Variants in RPGRIP1L observed in about 807,000 individuals in gnomAD.
RPGRIP1L encodes protein fantom.
RPGRIP1L carries 131 observed loss-of-function variants against 160.4 expected under a neutral mutation model. The observed-to-expected ratio is 0.82, with a 90% CI of 0.71 to 0.94. The LOEUF (loss-of-function observed/expected upper bound fraction) is 0.94. Ranked by LOEUF, RPGRIP1L falls within the 40% of genes least tolerant of loss-of-function variation. The pLI, the probability that RPGRIP1L is intolerant of heterozygous loss-of-function variation, is 0.00. For missense variants in RPGRIP1L, 1,522 were observed against 1,535.8 expected (o/e 0.99, Z 0.15); for synonymous variants, 510 against 515.8 (o/e 0.99, Z 0.15).
In RPGRIP1L at chr16:53,686,159, A is replaced by G. The variant is rs555855990; in HGVS notation, c.776+274T>C. Among the ~76,000 whole-genome samples the G allele has an allele frequency of 1.3e-4, 20 of 152,328 alleles. No homozygotes were observed. In the East Asian group the frequency reaches 3.1e-3, roughly 24 times the overall value. ...TCAAATGGTATCAGAACTTCCTGCA[A>G]TCTTGGCAAATGGGGTAAATGAACA... On this transcript the variant is annotated intron_variant, in intron 6 of 26. Coordinates refer to ENST00000647211, the MANE Select transcript of RPGRIP1L (RefSeq NM_015272.5).
At chr16:53,622,022 CAAAAAAAAA>C (rs36057385) in intron 23 of RPGRIP1L, among the ~76,000 whole-genome samples, 188 bp downstream of exon 23, 1 of 24,132 alleles carries the variant, frequency 4.1e-5, no homozygotes, top group Non-Finnish European at 7.8e-5. Context: ...GACTCCGTCT[CAAAAAAAAA>C]AAAAAAAAAA....
At chr16:53,699,941 T>C (rs12148982) in intron 2 of RPGRIP1L, among the ~76,000 whole-genome samples, 57 of 152,226 alleles carry the variant, frequency 3.7e-4, no homozygotes, top group Non-Finnish European at 6.6e-4. Context: ...GAAAAGTGTA[T>C]GTAGATTCCT....
chr16:53,657,664 C>T (rs766915933), intron 12 of RPGRIP1L, 32 bp from the exon 13 acceptor site: 1 of 1,289,000 alleles, frequency 7.8e-7, no homozygotes. Flanking sequence ...ATGACTGAAA[C>T]AAAAATTTCT....
intron 24 of RPGRIP1L, 78 bp downstream of exon 24, chr16:53,618,943 ACTTT>A: frequency 8.7e-7 from 1 of 1,148,160 alleles, no homozygotes; most frequent in African/African-American, 1.5e-5. Flanking sequence ...AGAGAAATAA[ACTTT>A]CTCTCTGTTC....
intron 24 of RPGRIP1L, among the ~76,000 whole-genome samples, chr16:53,615,173 G>A (rs1670977776): frequency 6.6e-6 from 1 of 152,024 alleles, no homozygotes; most frequent in Admixed American, 6.6e-5. Flanking sequence ...TCCATCCCTA[G>A]AGGCTAAGGG....
rs546936593 is a variant in RPGRIP1L at position 53,689,315 on chromosome 16, T to G, written c.530-1350A>C. Among the ~76,000 whole-genome samples the G allele has an allele frequency of 2.0e-5, 3 of 152,262 alleles. No homozygotes were observed. In the South Asian group the frequency reaches 6.2e-4, roughly 32 times the overall value. On this transcript the variant is annotated intron_variant, in intron 4 of 26. Coordinates refer to ENST00000647211, the MANE Select transcript of RPGRIP1L (RefSeq NM_015272.5). The stretch of plus-strand genomic sequence containing the variant: ...CTGTTGTTGCCTATACAGTCTACTG[T>G]GCTATAAAACACTAGAACTTTTTCT...
rs202125413 is a variant in RPGRIP1L, at chr16:53,615,470, A to G, written c.3616+3555T>C. 1.2e-3 allele frequency among the ~76,000 whole-genome samples: 100 copies of G among 85,250 alleles called. 3 individuals are homozygous for G. The highest frequency in any genetic ancestry group is 4.8e-3 in the African/African-American group (95 of 19,842). The allele number at this position is 85,250 out of a possible 152,430, so 55.9% of individuals were successfully genotyped here. Reference sequence around the variant, plus strand: ...TCTAAGAATATATATATATATATATATATTTTTTTTTTTTTTTTTTTGAGA... The same window carrying G: ...TCTAAGAATATATATATATATATATGTATTTTTTTTTTTTTTTTTTTGAGA... On this transcript the variant is annotated intron_variant, in intron 24 of 26. Coordinates refer to ENST00000647211, the MANE Select transcript of RPGRIP1L (RefSeq NM_015272.5).
At chr16:53,662,774 GA>G (rs1274440941) in intron 10 of RPGRIP1L, among the ~76,000 whole-genome samples, 1 of 151,980 alleles carries the variant, frequency 6.6e-6, no homozygotes, top group Non-Finnish European at 1.5e-5. Flanking sequence ...AAAATAACTG[GA>G]AAGTAATAGT....
intron 19 of RPGRIP1L, among the ~76,000 whole-genome samples, chr16:53,639,832 T>C (rs1036980248): frequency 1.3e-5 from 2 of 152,214 alleles, no homozygotes; most frequent in Non-Finnish European, 2.9e-5. Flanking sequence ...ATTATAATTA[T>C]TGAATTCATT....
At chr16:53,615,467 TATATA>T (rs1207357268) in intron 24 of RPGRIP1L, among the ~76,000 whole-genome samples, 7 of 76,048 alleles carry the variant, frequency 9.2e-5, no homozygotes, top group Non-Finnish European at 1.0e-4. Context: ...TATATATATA[TATATA>T]TTTTTTTTTT....
Position 53,613,164 on chromosome 16 carries a change from C to T in RPGRIP1L, c.3617-2113G>A, listed in dbSNP as rs529861188. Among the ~76,000 whole-genome samples the T allele has an allele frequency of 8.5e-5, 13 of 152,312 alleles. No individual in the cohort carries two copies. The South Asian group carries it at 2.7e-3, about 32-fold the overall frequency. On this transcript the variant is annotated intron_variant, in intron 24 of 26. Coordinates refer to ENST00000647211, the MANE Select transcript of RPGRIP1L (RefSeq NM_015272.5). ...GTTTATCCACTTATCCTGTGATAGA[C>T]ATTTGGATTGTTTCCACCTTTGACT... is the stretch of plus-strand genomic sequence containing the variant.
chr16:53,679,564 C>A (rs1258729369), intron 6 of RPGRIP1L, among the ~76,000 whole-genome samples: 1 of 137,530 alleles, frequency 7.3e-6, no homozygotes, highest in Non-Finnish European at 1.6e-5. Flanking sequence ...CCACACCTGG[C>A]AGGAATCTGA....
At chr16:53,687,659 T>C (rs1970112707) in intron 5 of RPGRIP1L, among the ~76,000 whole-genome samples, 1 of 152,108 alleles carries the variant, frequency 6.6e-6, no homozygotes, top group African/African-American at 2.4e-5. Context: ...ATTACATAAA[T>C]CCTTCCATTG....
chr16:53,624,452 A>G (rs1299646631), intron 22 of RPGRIP1L, among the ~76,000 whole-genome samples: 1 of 151,964 alleles, frequency 6.6e-6, no homozygotes, highest in Non-Finnish European at 1.5e-5. Context: ...GCTGAGGCAG[A>G]AGAATCACTT....
intron 2 of RPGRIP1L, among the ~76,000 whole-genome samples, chr16:53,698,296 C>A (rs1212154232): frequency 6.7e-6 from 1 of 149,958 alleles, no homozygotes; most frequent in African/African-American, 2.5e-5. Flanking sequence ...GCCAGGCCAG[C>A]CGCCCCGTCC....
chr16:53,622,360 T>C lies in RPGRIP1L; in HGVS notation c.3295-4A>G, dbSNP rs1346150250. 1.7e-6 allele frequency: 1 copy of C among 571,456 alleles called. No individual in the cohort carries two copies. Among genetic ancestry groups the C allele is most frequent in the Non-Finnish European group, 3.1e-6 (1 of 319,418 alleles). 35.4% of individuals were successfully genotyped at this position (571,456 alleles called of 1,614,324 possible). A position where few individuals can be genotyped will look rare whatever the true frequency, so the allele number is the denominator to read the frequency against. Reference sequence around the variant, plus strand: ...GCCCGGGAGACAATGCGAGACTCTGTCTCAAAAAAAAAAAAAAAATCTTAA... The same window carrying C: ...GCCCGGGAGACAATGCGAGACTCTGCCTCAAAAAAAAAAAAAAAATCTTAA... On this transcript the variant is annotated splice_region_variant and splice_polypyrimidine_tract_variant and intron_variant, in intron 22 of 26. Transcript: ENST00000647211.
At chr16:53,653,692 CCTT>C (rs1377210964) in intron 14 of RPGRIP1L, among the ~76,000 whole-genome samples, 1 of 152,184 alleles carries the variant, frequency 6.6e-6, no homozygotes, top group Non-Finnish European at 1.5e-5. Flanking sequence ...CTCCTCCTAT[CCTT>C]CTTCTCATTC....
chr16:53,611,088 C>T (rs866435496), intron 24 of RPGRIP1L, 37 bp from the exon 25 acceptor site: 1 of 1,416,548 alleles, frequency 7.1e-7, no homozygotes. Context: ...AAAAGGAAGT[C>T]ACTCAGGAAT....
chr16:53,614,363 G>C (rs1479129220), intron 24 of RPGRIP1L, among the ~76,000 whole-genome samples: 2 of 152,130 alleles, frequency 1.3e-5, no homozygotes, highest in Non-Finnish European at 2.9e-5. Flanking sequence ...TAAAAGGCTT[G>C]TTAAAATGCA....
Sources: allele counts gnomAD v4.1 joint callset (sites outside exome capture counted in the v4.1 genomes callset), GRCh38; gene constraint gnomAD v4.1.1; transcripts MANE v1.5; gene names NCBI Gene and HGNC (gene_info 2026-07-23, HGNC 2026-07-21).